Variants in EPHX4 observed in about 807,000 individuals in gnomAD.
EPHX4 encodes the protein abhydrolase domain containing 7.
In EPHX4, 31 loss-of-function variants were observed where a neutral mutation model predicts 44.9. That is an observed-to-expected ratio of 0.69 (90% confidence interval 0.52 to 0.93). EPHX4 has a LOEUF of 0.93. Among genes scored for constraint, EPHX4 ranks in the 40% least tolerant of loss-of-function variants. EPHX4 has a pLI of 0.00. For missense variants in EPHX4, 373 were observed against 438.1 expected (o/e 0.85, Z 1.33); for synonymous variants, 151 against 159.7 (o/e 0.95, Z 0.41).
intron 3 of EPHX4, among the ~76,000 whole-genome samples, chr1:92,044,638 T>C (rs888518875): frequency 6.6e-6 from 1 of 152,186 alleles, no homozygotes; most frequent in African/African-American, 2.4e-5. Flanking sequence ...AATTAAGACT[T>C]TCCATTACTT....
chr1:92,053,035 A>T (rs1557885715), intron 6 of EPHX4, among the ~76,000 whole-genome samples: 1 of 152,208 alleles, frequency 6.6e-6, no homozygotes. Context: ...TAATAAGCAA[A>T]ACTAGATAAG....
At chr1:92,052,161 C>A (rs1366020149) in intron 5 of EPHX4, among the ~76,000 whole-genome samples, 1 of 152,096 alleles carries the variant, frequency 6.6e-6, no homozygotes, top group Non-Finnish European at 1.5e-5. Context: ...CTCCTCAATG[C>A]CCTGGGCTTA....
intron 1 of EPHX4, 69 bp from the exon 2 acceptor site, chr1:92,032,436 G>A: frequency 8.5e-7 from 1 of 1,171,664 alleles, no homozygotes; most frequent in Non-Finnish European, 1.3e-6. Flanking sequence ...TAATGAAATG[G>A]AAATGCTAAA....
chr1:92,061,430 TAATC>T (rs1167474692), intron 6 of EPHX4, among the ~76,000 whole-genome samples: 1 of 152,158 alleles, frequency 6.6e-6, no homozygotes, highest in Non-Finnish European at 1.5e-5. Flanking sequence ...TTTTCCTTCT[TAATC>T]AATAGGAGTA....
Position 92,042,914 on chromosome 1 carries a change from A to G in EPHX4, c.409A>G (p.Ile137Val). ...AGGTTATGGAGAAACAGATGCTCCC[A>G]TTCATCGACAGAATTATAAATTGGA... ...LRGYGETDAP[I>V]HRQNYKLDCL... The change falls in exon 3 of 7, where the codon ATT becomes GTT. Residue 137 changes from isoleucine (I) to valine (V), a missense_variant. Ile to Val is a conservative substitution (Grantham distance 29). Coordinates refer to ENST00000370383, the MANE Select transcript of EPHX4 (RefSeq NM_173567.5). 1 of 1,613,100 alleles carries G rather than the reference A, an allele frequency of 6.2e-7. No individual in the cohort carries two copies. The highest frequency in any genetic ancestry group is 8.5e-7 in the Non-Finnish European group (1 of 1,179,248).
At chr1:92,056,494 G>T (rs1647375160) in intron 6 of EPHX4, among the ~76,000 whole-genome samples, 1 of 152,060 alleles carries the variant, frequency 6.6e-6, no homozygotes, top group East Asian at 1.9e-4. Flanking sequence ...TACTGTAGGA[G>T]ATTTTAACCC....
chr1:92,050,932 A>G (rs1212982295), intron 5 of EPHX4, among the ~76,000 whole-genome samples: 1 of 152,168 alleles, frequency 6.6e-6, no homozygotes, highest in African/African-American at 2.4e-5. Flanking sequence ...TCCCAGGCTC[A>G]AGCAATCCTC....
chr1:92,034,760 G>T (rs530679069), intron 2 of EPHX4, among the ~76,000 whole-genome samples: 135 of 151,582 alleles, frequency 8.9e-4, no homozygotes, highest in African/African-American at 3.1e-3. Flanking sequence ...TCCAGCCTCA[G>T]CCTCCCAAGT....
intron 6 of EPHX4, among the ~76,000 whole-genome samples, chr1:92,062,318 G>A (rs923170076): frequency 9.2e-5 from 14 of 151,686 alleles, no homozygotes; most frequent in Non-Finnish European, 1.5e-4. Flanking sequence ...GGGTGCGGTG[G>A]CTCACGGCTG....
At chr1:92,059,420 A>G (rs1335422767) in intron 6 of EPHX4, among the ~76,000 whole-genome samples, 4 of 152,010 alleles carry the variant, frequency 2.6e-5, no homozygotes, top group Admixed American at 1.3e-4. Flanking sequence ...TTGGCAACAG[A>G]GCAAGACCCT....
intron 4 of EPHX4, among the ~76,000 whole-genome samples, chr1:92,046,196 A>G (rs1275704647): frequency 1.3e-5 from 2 of 152,376 alleles, no homozygotes; most frequent in African/African-American, 2.4e-5. Flanking sequence ...AAACCATTAC[A>G]TGTTAACATA....
intron 2 of EPHX4, among the ~76,000 whole-genome samples, chr1:92,042,404 A>G (rs1688520706): frequency 6.6e-6 from 1 of 151,534 alleles, no homozygotes; most frequent in African/African-American, 2.4e-5. Flanking sequence ...AAAAATAAGG[A>G]ATTTCTTACA....
At position 92,042,812 on chromosome 1, in the gene EPHX4, T is replaced by G. The variant is rs943977343; in HGVS notation, c.318-11T>G. ...AATATGATATTTTAAATGCTTCCTT[T>G]TTTCCTGCAGGTATTCTTGGCGTTA... On this transcript the variant is annotated splice_polypyrimidine_tract_variant and intron_variant, in intron 2 of 6. Transcript: ENST00000370383. The G allele has an allele frequency of 6.2e-7, 1 of 1,604,652 alleles. No homozygotes were observed. Among genetic ancestry groups the G allele is most frequent in the Non-Finnish European group, 8.5e-7 (1 of 1,176,962 alleles).
At chr1:92,053,673 TG>T (rs1341860541) in intron 6 of EPHX4, among the ~76,000 whole-genome samples, 6 of 151,952 alleles carry the variant, frequency 3.9e-5, no homozygotes, top group African/African-American at 1.5e-4. Context: ...GGGTTGGCAA[TG>T]GGTTGGAGGG....
At position 92,030,259 on chromosome 1, in the gene EPHX4, C is replaced by G; in HGVS notation, c.180C>G (p.Pro60=). The G allele has an allele frequency of 6.2e-7, 1 of 1,602,200 alleles. No homozygotes were observed. The highest frequency in any genetic ancestry group is 8.5e-7 in the Non-Finnish European group (1 of 1,174,738). Residue 60 remains proline (P), a synonymous_variant, in exon 1 of 7, where the codon CCC becomes CCG. Coordinates refer to ENST00000370383, the MANE Select transcript of EPHX4 (RefSeq NM_173567.5). The part of the protein sequence containing the change: ...TFRRPAREHP[P]ACLSDPSLGT... ...GGCGGCCCGCCCGGGAGCACCCTCCCGCGTGCCTGAGCGACCCCTCCTTGG... is the reference window on the plus strand; with the variant it reads ...GGCGGCCCGCCCGGGAGCACCCTCCGGCGTGCCTGAGCGACCCCTCCTTGG...
rs188317024 is a variant in EPHX4 at position 92,041,862 on chromosome 1, G to T, written c.318-961G>T. Among the ~76,000 whole-genome samples, 136 of 152,152 alleles carry T rather than the reference G, an allele frequency of 8.9e-4. 1 individual carries two copies. Among genetic ancestry groups the T allele is most frequent in the African/African-American group, 3.2e-3 (131 of 41,510 alleles). On this transcript the variant is annotated intron_variant, in intron 2 of 6. Transcript: ENST00000370383. Reference sequence around the variant, plus strand: ...TCAAGACCAGCCTGACCAACATGGAGAAACCCTGTCTCTACTAAAAAGAAA... The same window carrying T: ...TCAAGACCAGCCTGACCAACATGGATAAACCCTGTCTCTACTAAAAAGAAA...
At chr1:92,058,524 A>G (rs958023972) in intron 6 of EPHX4, among the ~76,000 whole-genome samples, 39 of 152,140 alleles carry the variant, frequency 2.6e-4, no homozygotes, top group Admixed American at 7.9e-4. Flanking sequence ...ATAAAGAAAA[A>G]GCGTTTAATA....
intron 6 of EPHX4, among the ~76,000 whole-genome samples, chr1:92,054,983 C>T (rs190397161): frequency 6.6e-6 from 1 of 151,582 alleles, no homozygotes. Context: ...TTAGAAATTG[C>T]GTATGTATAT....
intron 3 of EPHX4, chr1:92,043,182 C>A (rs1163818536): frequency 4.6e-6 from 2 of 435,054 alleles, no homozygotes; most frequent in South Asian, 3.9e-5. Context: ...ATTCTGTCTA[C>A]CAGCCAAGAA....
Sources: allele counts gnomAD v4.1 joint callset (sites outside exome capture counted in the v4.1 genomes callset), GRCh38; gene constraint gnomAD v4.1.1; transcripts MANE v1.5; gene names NCBI Gene and HGNC (gene_info 2026-07-23, HGNC 2026-07-21).